Variants in EPHB2 observed in about 807,000 individuals in gnomAD.
The protein encoded by EPHB2 is EPH receptor B2.
Under a neutral mutation model 96.4 loss-of-function variants are expected in EPHB2, and 18 were observed. The ratio of observed to expected loss-of-function variants is 0.19; its 90% CI spans 0.13 to 0.28. The LOEUF is 0.28. EPHB2 is among the 10% of genes least tolerant of loss of function. The pLI, the probability that EPHB2 is intolerant of heterozygous loss-of-function variation, is 1.00. For missense variants in EPHB2, 989 were observed against 1,355.4 expected (o/e 0.73, Z 4.25); for synonymous variants, 506 against 534.1 (o/e 0.95, Z 0.72).
At chr1:22,799,415 CA>C (rs1407146796) in intron 3 of EPHB2, among the ~76,000 whole-genome samples, 1 of 152,194 alleles carries the variant, frequency 6.6e-6, no homozygotes, top group Non-Finnish European at 1.5e-5. Flanking sequence ...TGGCCCTGGA[CA>C]GGTGACTCAC....
At chr1:22,781,192 C>T (rs1018981664) in intron 1 of EPHB2, among the ~76,000 whole-genome samples, 1 of 151,818 alleles carries the variant, frequency 6.6e-6, no homozygotes, top group Non-Finnish European at 1.5e-5. Context: ...TGGTTGGAGG[C>T]GCCTGTAGTC....
In EPHB2 at chr1:22,905,509, G is replaced by A. The variant is rs74961086; in HGVS notation, c.1766-478G>A. Among the ~76,000 whole-genome samples the A allele has an allele frequency of 2.6e-3, 403 of 152,220 alleles. 10 individuals are homozygous for A. The East Asian group carries it at 0.027, about 10-fold the overall frequency. On this transcript the variant is annotated intron_variant, in intron 9 of 15. Coordinates refer to ENST00000374630, the MANE Select transcript of EPHB2 (RefSeq NM_017449.5). ...TGAATTAGGCCTGGAGAGACAAGGA[G>A]GAGCTCTCCTTAGCAGAACCCCAAA...
chr1:22,737,025 C>T (rs1013051810), intron 1 of EPHB2, among the ~76,000 whole-genome samples: 2 of 152,142 alleles, frequency 1.3e-5, no homozygotes, highest in East Asian at 1.9e-4. Context: ...CAGCCATCGG[C>T]GTGACGAGGA....
intron 3 of EPHB2, among the ~76,000 whole-genome samples, chr1:22,862,191 CAG>C (rs1211995232): frequency 2.6e-5 from 4 of 152,258 alleles, no homozygotes; most frequent in African/African-American, 9.6e-5. Context: ...ACCTCATACT[CAG>C]AGCTACAGTG....
At chr1:22,785,698 C>G (rs1644601520) in intron 3 of EPHB2, among the ~76,000 whole-genome samples, 1 of 152,216 alleles carries the variant, frequency 6.6e-6, no homozygotes, top group African/African-American at 2.4e-5. Flanking sequence ...GGAATGCGCC[C>G]CCGCCATAAC....
At chr1:22,907,853 G>A in intron 11 of EPHB2, 100 bp from the exon 12 acceptor site, 1 of 1,470,752 alleles carries the variant, frequency 6.8e-7, no homozygotes, top group Non-Finnish European at 9.5e-7. Flanking sequence ...CCCAGAGCCA[G>A]GCTGGCAGGG....
At chr1:22,712,897 G>A (rs1643191782) in intron 1 of EPHB2, among the ~76,000 whole-genome samples, 1 of 152,204 alleles carries the variant, frequency 6.6e-6, no homozygotes, top group African/African-American at 2.4e-5. Context: ...GCAGTCAGCG[G>A]TGCTGGAGGG....
At chr1:22,773,307 T>C (rs1644403981) in intron 1 of EPHB2, among the ~76,000 whole-genome samples, 1 of 152,188 alleles carries the variant, frequency 6.6e-6, no homozygotes, top group African/African-American at 2.4e-5. Context: ...GCTGTGACCA[T>C]GGACAGTCCG....
At chr1:22,794,890 T>A (rs1233970434) in intron 3 of EPHB2, among the ~76,000 whole-genome samples, 1 of 152,238 alleles carries the variant, frequency 6.6e-6, no homozygotes, top group African/African-American at 2.4e-5. Flanking sequence ...TTCATCTGGC[T>A]GGGCTTTAGA....
At chr1:22,747,647 C>T (rs530243920) in intron 1 of EPHB2, among the ~76,000 whole-genome samples, 5 of 152,336 alleles carry the variant, frequency 3.3e-5, no homozygotes, top group Non-Finnish European at 7.3e-5. Flanking sequence ...TCATCAGGGA[C>T]CTCTGCCAGC....
chr1:22,775,686 G>T, intron 1 of EPHB2, among the ~76,000 whole-genome samples: 1 of 152,246 alleles, frequency 6.6e-6, no homozygotes, highest in Non-Finnish European at 1.5e-5. Flanking sequence ...CCGGCAGTCA[G>T]GGCCTCCTGA....
chr1:22,863,234 C>T (rs762369215), intron 4 of EPHB2, 42 bp downstream of exon 4: 12 of 1,613,376 alleles, frequency 7.4e-6, no homozygotes, highest in Non-Finnish European at 1.0e-5. Flanking sequence ...TGGCCGAGTC[C>T]CAGGTCTACC....
chr1:22,796,041 G>GTGGAAGT (rs1644762561), intron 3 of EPHB2, among the ~76,000 whole-genome samples: 1 of 152,180 alleles, frequency 6.6e-6, no homozygotes, highest in South Asian at 2.1e-4. Context: ...TCCTGCTAAG[G>GTGGAAGT]TGGAAGTGGG....
chr1:22,862,275 G>A (rs1638287351), intron 3 of EPHB2, among the ~76,000 whole-genome samples: 1 of 152,256 alleles, frequency 6.6e-6, no homozygotes, highest in Admixed American at 6.5e-5. Flanking sequence ...AGTGCAAGCA[G>A]TGCCCTCCTT....
At chr1:22,896,561 CCTT>C in intron 9 of EPHB2, 83 bp downstream of exon 9, 1 of 1,558,092 alleles carries the variant, frequency 6.4e-7, no homozygotes, top group Non-Finnish European at 8.8e-7. Flanking sequence ...TCTTTGACCT[CCTT>C]CTGCCATGCT....
chr1:22,853,903 C>A (rs1349438134), intron 3 of EPHB2, among the ~76,000 whole-genome samples: 1 of 152,202 alleles, frequency 6.6e-6, no homozygotes, highest in African/African-American at 2.4e-5. Flanking sequence ...GCCTGGGTGC[C>A]CCCTTGGGCA....
At chr1:22,889,011 C>A (rs184791053) in intron 6 of EPHB2, among the ~76,000 whole-genome samples, 1 of 151,904 alleles carries the variant, frequency 6.6e-6, no homozygotes, top group Non-Finnish European at 1.5e-5. Flanking sequence ...AAAAATTAGC[C>A]GGGTGTGATG....
intron 9 of EPHB2, among the ~76,000 whole-genome samples, chr1:22,899,359 G>A (rs192642688): frequency 3.5e-4 from 53 of 151,914 alleles, no homozygotes; most frequent in African/African-American, 1.2e-3. Flanking sequence ...AAATTAGCCT[G>A]GCGTGGTGGT....
intron 3 of EPHB2, among the ~76,000 whole-genome samples, chr1:22,845,249 A>G (rs1460853505): frequency 6.6e-6 from 1 of 152,250 alleles, no homozygotes; most frequent in Non-Finnish European, 1.5e-5. Context: ...TAATTATAGT[A>G]TAATTTGAGA....
Sources: gnomAD v4.1 joint callset for allele counts (sites outside exome capture counted in the v4.1 genomes callset) on GRCh38, gnomAD v4.1.1 for gene constraint, MANE v1.5 for transcripts, NCBI Gene and HGNC (gene_info 2026-07-23, HGNC 2026-07-21) for gene names.